SOS2: variants seen among roughly 807,000 people sequenced by gnomAD.
SOS2 encodes SOS Ras/Rho guanine nucleotide exchange factor 2, also known as son of sevenless homolog 2.
Under a neutral mutation model 148.2 loss-of-function variants are expected in SOS2, and 65 were observed. The observed-to-expected ratio is 0.44, with a 90% CI of 0.36 to 0.54. The LOEUF (loss-of-function observed/expected upper bound fraction) is 0.54. SOS2 is among the 20% of genes least tolerant of loss of function. The pLI is 0.00. For missense variants in SOS2, 1,341 were observed against 1,590.2 expected (o/e 0.84, Z 2.67); for synonymous variants, 539 against 537.1 (o/e 1.00, Z -0.05).
At chr14:50,182,637 T>A in intron 5 of SOS2, 31 bp from the exon 6 acceptor site, 1 of 1,566,992 alleles carries the variant, frequency 6.4e-7, no homozygotes. Flanking sequence ...TTAAGAAATG[T>A]GAGATTGAGA....
intron 16 of SOS2, among the ~76,000 whole-genome samples, chr14:50,143,529 GC>G (rs113113087): frequency 3.3e-5 from 5 of 151,978 alleles, no homozygotes; most frequent in African/African-American, 1.2e-4. Flanking sequence ...CCTCCACCAG[GC>G]AGGTTCAAGC....
intron 8 of SOS2, among the ~76,000 whole-genome samples, chr14:50,167,776 G>A (rs955789212): frequency 6.6e-6 from 1 of 151,388 alleles, no homozygotes; most frequent in Non-Finnish European, 1.5e-5. Context: ...AGGCTGATGT[G>A]GGAGAATTGC....
intron 1 of SOS2, among the ~76,000 whole-genome samples, chr14:50,212,902 A>C (rs1886924838): frequency 6.6e-6 from 1 of 152,176 alleles, no homozygotes; most frequent in African/African-American, 2.4e-5. Context: ...GATGGTAATG[A>C]TGTTCAGCCT....
At chr14:50,169,090 T>C (rs139102270) in intron 8 of SOS2, among the ~76,000 whole-genome samples, 4 of 151,898 alleles carry the variant, frequency 2.6e-5, no homozygotes, top group South Asian at 4.2e-4. Context: ...GGCAGGCGGA[T>C]CATTTGAGGT....
chr14:50,196,923 A>G (rs1046474261), intron 4 of SOS2, among the ~76,000 whole-genome samples: 9 of 152,116 alleles, frequency 5.9e-5, no homozygotes, highest in Non-Finnish European at 1.2e-4. Context: ...GCTGGTGTGC[A>G]GTGGCGTGAT....
Position 50,118,310 on chromosome 14 carries a change from C to G in SOS2, c.*34G>C, listed in dbSNP as rs1883364109. On this transcript the variant is annotated 3_prime_UTR_variant, in exon 23 of 23. Transcript: ENST00000216373. ...AATTAAAAAAAAAACTTTACAAATACCATTCCAGTGTCAATGACTACATAT... is the reference window on the plus strand; with the variant it reads ...AATTAAAAAAAAAACTTTACAAATAGCATTCCAGTGTCAATGACTACATAT... The G allele has an allele frequency of 6.6e-7, 1 of 1,509,706 alleles. No individual in the cohort carries two copies. The highest frequency in any genetic ancestry group is 8.9e-7 in the Non-Finnish European group (1 of 1,119,258). The allele number at this position is 1,509,706 out of a possible 1,614,324, so 93.5% of individuals were successfully genotyped here.
At chr14:50,223,401 G>A (rs77499241) in intron 1 of SOS2, among the ~76,000 whole-genome samples, 11 of 151,986 alleles carry the variant, frequency 7.2e-5, no homozygotes, top group Non-Finnish European at 2.9e-5. Flanking sequence ...GGGGCTGGGC[G>A]TGGTGGCTCA....
In SOS2 at chr14:50,117,344, A is replaced by G. The variant is rs897469785; in HGVS notation, c.*1000T>C. The G allele has an allele frequency of 6.6e-6, 1 of 152,242 alleles. No homozygotes were observed. 9.4% of individuals were successfully genotyped at this position (152,242 alleles called of 1,614,324 possible). ...CTCACTTATCTGATTAAAATGTTTA[A>G]TAAAGCTTTAAGTATTTGCTGGTTT... On this transcript the variant is annotated 3_prime_UTR_variant, in exon 23 of 23. Transcript: ENST00000216373.
intron 18 of SOS2, among the ~76,000 whole-genome samples, chr14:50,135,925 T>C (rs1884064604): frequency 6.6e-6 from 1 of 152,030 alleles, no homozygotes; most frequent in South Asian, 2.1e-4. Flanking sequence ...TTAGAAAAAT[T>C]CCTTAGCAGC....
At chr14:50,212,054 A>G (rs1886889343) in intron 1 of SOS2, among the ~76,000 whole-genome samples, 1 of 152,256 alleles carries the variant, frequency 6.6e-6, no homozygotes, top group Non-Finnish European at 1.5e-5. Context: ...AGATAAAAAG[A>G]ATACATACAA....
In SOS2 at chr14:50,118,317, A is replaced by G. The variant is rs772271414; in HGVS notation, c.*27T>C. 14 of 1,549,798 alleles carry G rather than the reference A, an allele frequency of 9.0e-6. No individual in the cohort carries two copies. Among genetic ancestry groups the G allele is most frequent in the Non-Finnish European group, 1.2e-5 (14 of 1,141,664 alleles). ...AAAAAAACTTTACAAATACCATTCC[A>G]GTGTCAATGACTACATATGGCTAAG... is the stretch of plus-strand genomic sequence containing the variant. On this transcript the variant is annotated 3_prime_UTR_variant, in exon 23 of 23. Coordinates refer to ENST00000216373, the MANE Select transcript of SOS2 (RefSeq NM_006939.4).
rs777523051 is a variant in SOS2 at position 50,188,532 on chromosome 14, C to T, written c.679G>A (p.Ala227Thr). ...LNMIIKVFREAFLSDRKLFKP... is the reference protein window; with the variant it reads ...LNMIIKVFRETFLSDRKLFKP... ...AACAGCTTTCTATCAGAAAGAAAGG[C>T]TTCTCGAAACACTTTTATGATCATA... The change falls in exon 5 of 23, where the codon GCC (alanine) becomes ACC (threonine). Residue 227 changes from alanine to threonine, a missense_variant. Ala to Thr is a moderately conservative substitution (Grantham distance 58, BLOSUM62 0). Around this residue, in one of 4 missense-constraint regions of SOS2, gnomAD observed 574 missense variants for 711.1 expected, o/e 0.81. Transcript: ENST00000216373. The T allele has an allele frequency of 4.4e-6, 7 of 1,599,926 alleles. No individual in the cohort carries two copies. Among genetic ancestry groups the T allele is most frequent in the South Asian group, 1.1e-5 (1 of 88,298 alleles).
At chr14:50,189,080 C>T (rs934672052) in intron 4 of SOS2, among the ~76,000 whole-genome samples, 5 of 146,452 alleles carry the variant, frequency 3.4e-5, no homozygotes, top group Admixed American at 1.4e-4. Context: ...CACACACACA[C>T]ACACACACAC....
intron 1 of SOS2, among the ~76,000 whole-genome samples, chr14:50,218,640 G>T (rs1337092245): frequency 6.6e-6 from 1 of 152,042 alleles, no homozygotes. Context: ...AAACATGAAA[G>T]ATGTTGAACA....
At chr14:50,181,720 T>G (rs1885746912) in intron 6 of SOS2, among the ~76,000 whole-genome samples, 1 of 152,094 alleles carries the variant, frequency 6.6e-6, no homozygotes, top group African/African-American at 2.4e-5. Context: ...ACACATACAT[T>G]CGTATGTATG....
At chr14:50,185,269 G>C (rs1885870627) in intron 5 of SOS2, among the ~76,000 whole-genome samples, 1 of 152,140 alleles carries the variant, frequency 6.6e-6, no homozygotes, top group South Asian at 2.1e-4. Flanking sequence ...ACACTATTTA[G>C]AGGTAAATAA....
rs868039284 is a variant in SOS2, at chr14:50,189,856, T to A, written c.511-1156A>T. On this transcript the variant is annotated intron_variant, in intron 4 of 22. Transcript: ENST00000216373. ...TGACTATACTTTATTTTTTATTTTT[T>A]TTTTTTTTGTGAGACACAGTCTTGC... 4.6e-3 allele frequency among the ~76,000 whole-genome samples: 613 copies of A among 133,448 alleles called. 8 individuals carry two copies. Among genetic ancestry groups the A allele is most frequent in the South Asian group, 0.019 (83 of 4,374 alleles). 87.5% of individuals were successfully genotyped at this position (133,448 alleles called of 152,430 possible).
At chr14:50,159,168 C>T (rs549956455) in intron 10 of SOS2, among the ~76,000 whole-genome samples, 4 of 150,532 alleles carry the variant, frequency 2.7e-5, no homozygotes, top group Non-Finnish European at 5.9e-5. Flanking sequence ...CCAGCCTGGG[C>T]AACAGAGCAA....
chr14:50,221,127 G>A (rs924690889), intron 1 of SOS2, among the ~76,000 whole-genome samples: 2 of 152,136 alleles, frequency 1.3e-5, no homozygotes, highest in East Asian at 3.8e-4. Flanking sequence ...AAACCTCCAT[G>A]ATCATTCGCT....
Sources: gnomAD v4.1 joint callset for allele counts (sites outside exome capture counted in the v4.1 genomes callset) on GRCh38, gnomAD v4.1.1 for gene constraint, gnomAD v4.1.1 regional missense constraint, MANE v1.5 for transcripts, NCBI Gene and HGNC (gene_info 2026-07-23, HGNC 2026-07-21) for gene names.